Variants in PLCB1 observed in about 807,000 individuals in gnomAD.
The protein encoded by PLCB1 is phospholipase C beta 1.
Under a neutral mutation model 161.8 loss-of-function variants are expected in PLCB1, and 46 were observed. The observed-to-expected ratio is 0.28, with a 90% CI of 0.22 to 0.36. PLCB1 has a LOEUF of 0.36. Among genes scored for constraint, PLCB1 ranks in the 10% least tolerant of loss-of-function variants. The pLI is 1.00. For missense variants in PLCB1, 1,016 were observed against 1,472.5 expected (o/e 0.69, Z 5.07); for synonymous variants, 517 against 503.7 (o/e 1.03, Z -0.35).
chr20:8,512,305 C>T (rs562461966), intron 3 of PLCB1, among the ~76,000 whole-genome samples: 16 of 152,174 alleles, frequency 1.1e-4, no homozygotes, highest in South Asian at 2.1e-4. Context: ...TACCAAAACT[C>T]GGGATTTAGG....
At chr20:8,192,015 G>T (rs2123110070) in intron 2 of PLCB1, among the ~76,000 whole-genome samples, 1 of 152,090 alleles carries the variant, frequency 6.6e-6, no homozygotes, top group Middle Eastern at 3.4e-3. Context: ...ATATAATTCA[G>T]TATAAATATA....
At chr20:8,575,080 A>G (rs1230217030) in intron 3 of PLCB1, among the ~76,000 whole-genome samples, 2 of 152,224 alleles carry the variant, frequency 1.3e-5, no homozygotes, top group Non-Finnish European at 2.9e-5. Context: ...AGTCCAACCC[A>G]TAGATTGGCT....
chr20:8,485,880 C>T (rs1207218589), intron 3 of PLCB1, among the ~76,000 whole-genome samples: 1 of 152,152 alleles, frequency 6.6e-6, no homozygotes, highest in Non-Finnish European at 1.5e-5. Context: ...GTGTATTAGT[C>T]TGTTCTCACG....
At chr20:8,374,409 G>A (rs1309071187) in intron 3 of PLCB1, among the ~76,000 whole-genome samples, 3 of 152,116 alleles carry the variant, frequency 2.0e-5, no homozygotes, top group Non-Finnish European at 2.9e-5. Context: ...ACCATCTTGG[G>A]AAGTTCTTTA....
At chr20:8,356,008 A>G (rs1185497291) in intron 2 of PLCB1, among the ~76,000 whole-genome samples, 1 of 152,154 alleles carries the variant, frequency 6.6e-6, no homozygotes, top group Non-Finnish European at 1.5e-5. Context: ...CAGAATAGAT[A>G]TGGTATAAAG....
intron 2 of PLCB1, among the ~76,000 whole-genome samples, chr20:8,275,484 T>C (rs1982496411): frequency 6.6e-6 from 1 of 152,200 alleles, no homozygotes; most frequent in Admixed American, 6.5e-5. Context: ...TGAACAAGAA[T>C]TCTCAGTAAG....
Position 8,716,299 on chromosome 20 carries a change from G to A in PLCB1, c.1286G>A (p.Arg429Gln), listed in dbSNP as rs551873449. ...CAAGCCAAGATGGCGGAGTACTGCC[G>A]ACTGATCTTTGGGGATGCCCTTCTC... ...KQQAKMAEYCRLIFGDALLME... is the reference protein window; with the variant it reads ...KQQAKMAEYCQLIFGDALLME... Residue 429 changes from arginine (R) to glutamine (Q), a missense_variant, in exon 13 of 32, where the codon CGA (arginine) becomes CAA (glutamine). Arg to Gln is a conservative substitution (Grantham distance 43). Transcript: ENST00000338037. The A allele has an allele frequency of 1.9e-6, 3 of 1,614,024 alleles. No homozygotes were observed. Among genetic ancestry groups the A allele is most frequent in the Non-Finnish European group, 2.5e-6 (3 of 1,179,942 alleles).
intron 2 of PLCB1, among the ~76,000 whole-genome samples, chr20:8,264,857 C>A (rs1981876272): frequency 1.3e-5 from 2 of 152,148 alleles, no homozygotes; most frequent in Non-Finnish European, 2.9e-5. Flanking sequence ...TATGAAGTTT[C>A]ATTCTAAAGA....
chr20:8,725,495 T>C (rs1278702492), intron 16 of PLCB1, among the ~76,000 whole-genome samples: 1 of 152,142 alleles, frequency 6.6e-6, no homozygotes, highest in African/African-American at 2.4e-5. Context: ...GCTTTGCAGC[T>C]ATATCAAAAT....
At chr20:8,495,448 G>A (rs1346151916) in intron 3 of PLCB1, among the ~76,000 whole-genome samples, 2 of 147,350 alleles carry the variant, frequency 1.4e-5, no homozygotes, top group Non-Finnish European at 3.0e-5. Context: ...CCCAGGATGG[G>A]GTGCAGTGGT....
chr20:8,648,089 CAT>C (rs1457012458), intron 6 of PLCB1, 136 bp downstream of exon 6: 40 of 563,858 alleles, frequency 7.1e-5, no homozygotes, highest in Middle Eastern at 5.5e-4. Context: ...CTCCCTCACA[CAT>C]GTCTCATGTC....
intron 2 of PLCB1, among the ~76,000 whole-genome samples, chr20:8,263,042 A>T (rs1409633665): frequency 3.3e-5 from 5 of 152,198 alleles, no homozygotes; most frequent in African/African-American, 1.2e-4. Flanking sequence ...ACACATAAAC[A>T]TTCCTAATGC....
At chr20:8,661,100 G>A (rs543226439) in intron 9 of PLCB1, among the ~76,000 whole-genome samples, 4 of 152,278 alleles carry the variant, frequency 2.6e-5, no homozygotes, top group Admixed American at 2.6e-4. Context: ...ATGTTTTGAA[G>A]TGTAGTATGT....
chr20:8,173,994 G>T (rs1024646254), intron 2 of PLCB1, among the ~76,000 whole-genome samples: 6 of 152,116 alleles, frequency 3.9e-5, no homozygotes, highest in Non-Finnish European at 2.9e-5. Context: ...GAGCTCCGGG[G>T]ACCTGTGGAA....
intron 3 of PLCB1, among the ~76,000 whole-genome samples, chr20:8,408,691 A>G (rs887275349): frequency 1.3e-5 from 2 of 152,258 alleles, no homozygotes. Context: ...GCATATTAGC[A>G]TTTTTGTCTG....
intron 2 of PLCB1, among the ~76,000 whole-genome samples, chr20:8,259,731 G>T (rs964654445): frequency 2.6e-5 from 4 of 152,116 alleles, no homozygotes; most frequent in African/African-American, 9.7e-5. Context: ...TTGTTTTGCT[G>T]CTTAAATCCA....
intron 2 of PLCB1, among the ~76,000 whole-genome samples, chr20:8,259,465 A>T (rs933460551): frequency 1.3e-5 from 2 of 152,070 alleles, no homozygotes; most frequent in African/African-American, 4.8e-5. Context: ...AAAATATAAG[A>T]AGTAGCCAGG....
intron 31 of PLCB1, among the ~76,000 whole-genome samples, chr20:8,847,865 A>T (rs138675058): frequency 1.0e-3 from 155 of 152,318 alleles, no homozygotes; most frequent in African/African-American, 3.5e-3. Context: ...TTGTGCTGCT[A>T]TAACAAAATG....
intron 2 of PLCB1, among the ~76,000 whole-genome samples, chr20:8,210,048 G>A (rs569817236): frequency 3.3e-5 from 5 of 151,620 alleles, no homozygotes; most frequent in African/African-American, 9.7e-5. Context: ...ATGTTGTCCG[G>A]GCTTGTCTTG....
Sources: gnomAD v4.1 joint callset for allele counts (sites outside exome capture counted in the v4.1 genomes callset) on GRCh38, gnomAD v4.1.1 for gene constraint, MANE v1.5 for transcripts, NCBI Gene and HGNC (gene_info 2026-07-23, HGNC 2026-07-21) for gene names.